The following EML2 variants were observed in gnomAD, a reference collection of about 807,000 sequenced individuals.
EML2 encodes EMAP like 2.
In EML2, 59 loss-of-function variants were observed where a neutral mutation model predicts 84.7. The ratio of observed to expected loss-of-function variants is 0.70; its 90% CI spans 0.56 to 0.86. EML2 has a LOEUF of 0.86. EML2 is among the 40% of genes least tolerant of loss of function. The pLI is 0.00. For missense variants in EML2, 818 were observed against 855.6 expected, an observed-to-expected ratio of 0.96 and a Z score of 0.55; for synonymous variants, 352 against 348.9, an observed-to-expected ratio of 1.01 and a Z score of -0.10.
At chr19:45,628,407 C>T (rs956436572) in intron 7 of EML2, among the ~76,000 whole-genome samples, 5 of 151,600 alleles carry the variant, frequency 3.3e-5, no homozygotes, top group African/African-American at 1.2e-4. Flanking sequence ...GAGGGTAAAC[C>T]ATTTGCCTAA....
intron 3 of EML2, among the ~76,000 whole-genome samples, chr19:45,637,964 A>T (rs371903296): frequency 2.0e-5 from 3 of 151,910 alleles, no homozygotes; most frequent in East Asian, 3.9e-4. Flanking sequence ...GGCATGAGCC[A>T]CCGCGCCCGG....
chr19:45,633,750 A>C (rs1272145623), intron 4 of EML2, among the ~76,000 whole-genome samples: 7 of 152,020 alleles, frequency 4.6e-5, no homozygotes, highest in Non-Finnish European at 1.0e-4. Flanking sequence ...AAAAAGAAAA[A>C]AGAAAAAAAA....
At chr19:45,613,930 A>C (rs975110478) in intron 17 of EML2, among the ~76,000 whole-genome samples, 2 of 152,074 alleles carry the variant, frequency 1.3e-5, no homozygotes, top group South Asian at 4.1e-4. Flanking sequence ...CTCCAGCCTC[A>C]TCCCTCATCA....
At chr19:45,616,338 T>C (rs1600088576) in intron 15 of EML2, 123 bp downstream of exon 15, 1 of 721,758 alleles carries the variant, frequency 1.4e-6, no homozygotes, top group East Asian at 2.7e-5. Flanking sequence ...CCAAGACTCC[T>C]TGCTCTGATC....
chr19:45,645,610 C>G, upstream of EML2: 1 of 612,996 alleles, frequency 1.6e-6, no homozygotes, highest in Non-Finnish European at 2.7e-6. Context: ...ACCGTCTGGT[C>G]CCGCCCACAA....
chr19:45,639,119 C>T (rs766306058), intron 1 of EML2: 1 of 677,772 alleles, frequency 1.5e-6, no homozygotes, highest in South Asian at 1.9e-5. Context: ...GGGACGCGAT[C>T]CTGGAAGAAG....
At chr19:45,641,453 C>T, upstream of EML2, 1 of 609,418 alleles carries the variant, frequency 1.6e-6, no homozygotes, top group Non-Finnish European at 2.9e-6. Context: ...ATTGACTCCG[C>T]CCTCCCAGAC....
chr19:45,645,098 A>C (rs1974928827), upstream of EML2, among the ~76,000 whole-genome samples: 1 of 151,776 alleles, frequency 6.6e-6, no homozygotes, highest in Non-Finnish European at 1.5e-5. Context: ...GGGGGCTGGG[A>C]TCTAGGTTTT....
At chr19:45,633,225 C>T in intron 4 of EML2, 86 bp from the exon 5 acceptor site, 1 of 1,389,322 alleles carries the variant, frequency 7.2e-7, no homozygotes, top group South Asian at 1.2e-5. Flanking sequence ...CACAAATTGG[C>T]TGGTTGAGTT....
upstream of EML2, chr19:45,644,652 C>T (rs1228788202): frequency 2.2e-6 from 1 of 455,564 alleles, no homozygotes; most frequent in East Asian, 6.9e-5. Context: ...TCCCAGAGAC[C>T]AGGCCTCACT....
At position 45,635,366 on chromosome 19, in the gene EML2, T is replaced by C. The variant is rs531472523; in HGVS notation, c.180-895A>G. Among the ~76,000 whole-genome samples the C allele has an allele frequency of 5.3e-5, 8 of 152,158 alleles. No homozygotes were observed. The South Asian group carries it at 8.3e-4, about 16-fold the overall frequency. On this transcript the variant is annotated intron_variant, in intron 3 of 18. Transcript: ENST00000245925. The stretch of plus-strand genomic sequence containing the variant: ...ATTGGTCAGGGTGGTCTCCAACTCC[T>C]GACCTCAGGTGATCCACCCACCTTG...
At chr19:45,643,432 C>T, upstream of EML2, 1 of 961,732 alleles carries the variant, frequency 1.0e-6, no homozygotes, top group Non-Finnish European at 1.6e-6. Context: ...GCCTCTGTAC[C>T]CCGCGCCCCA....
chr19:45,632,633 C>G (rs1163488992), intron 6 of EML2: 2 of 531,622 alleles, frequency 3.8e-6, no homozygotes, highest in African/African-American at 1.9e-5. Flanking sequence ...TGGGCAAGGA[C>G]CAGCTGGGCC....
intron 16 of EML2, among the ~76,000 whole-genome samples, chr19:45,615,556 T>TG (rs1568435454): frequency 2.6e-5 from 3 of 115,894 alleles, no homozygotes; most frequent in Non-Finnish European, 5.9e-5. Flanking sequence ...TAATAATAAT[T>TG]AAAAATTTAA....
In EML2 at chr19:45,624,700, C is replaced by A; in HGVS notation, c.841+19G>T. The A allele has an allele frequency of 6.3e-7, 1 of 1,597,546 alleles. No homozygotes were observed. The highest frequency in any genetic ancestry group is 1.7e-5 in the Admixed American group (1 of 59,294). On this transcript the variant is annotated intron_variant, in intron 9 of 18. Transcript: ENST00000245925. The stretch of plus-strand genomic sequence containing the variant: ...TCAGAAGACTGGATTGGGAACCAAA[C>A]AGATGGGGTGACACTGACCTTTGCC...
chr19:45,612,896 T>TG (rs979506434), intron 18 of EML2, among the ~76,000 whole-genome samples: 3 of 151,724 alleles, frequency 2.0e-5, no homozygotes, highest in African/African-American at 2.4e-5. Flanking sequence ...AGCTTTTTTT[T>TG]TTGTTTTTGT....
chr19:45,614,698 C>A lies in EML2; in HGVS notation c.1600G>T (p.Asp534Tyr), dbSNP rs771363008. The A allele has an allele frequency of 1.4e-5, 23 of 1,613,374 alleles. No homozygotes were observed. The highest frequency in any genetic ancestry group is 1.9e-5 in the Non-Finnish European group (23 of 1,179,534). ...GTGATCTGCTTACAGGTAGCCGGGT[C>A]CCCTGGGGCAGAAAATGGGAGGAGA... is the stretch of plus-strand genomic sequence containing the variant. ...NSGDYEILYW[D>Y]PATCKQITSA... Residue 534 changes from aspartate (D) to tyrosine (Y), a missense_variant and splice_region_variant, in exon 17 of 19, where the codon GAC becomes TAC. Physicochemically the swap from Asp to Tyr is radical, Grantham distance 160. Coordinates refer to ENST00000245925, the MANE Select transcript of EML2 (RefSeq NM_012155.4).
upstream of EML2, chr19:45,645,282 A>G: frequency 6.5e-7 from 1 of 1,533,754 alleles, no homozygotes; most frequent in Admixed American, 2.0e-5. Flanking sequence ...CCGTTGCAGT[A>G]TCGCAGCAGC....
upstream of EML2, chr19:45,644,686 C>T (rs1007229185): frequency 2.2e-6 from 1 of 455,890 alleles, no homozygotes; most frequent in Admixed American, 2.4e-5. Flanking sequence ...TCCCAACTCC[C>T]CTCTTCTCCT....
Sources: allele counts gnomAD v4.1 joint callset (sites outside exome capture counted in the v4.1 genomes callset), GRCh38; gene constraint gnomAD v4.1.1; transcripts MANE v1.5; gene names NCBI Gene and HGNC (gene_info 2026-07-23, HGNC 2026-07-21).